Variants in CHRM3 observed in about 807,000 individuals in gnomAD.
CHRM3 encodes muscarinic acetylcholine receptor M3.
In CHRM3, 11 loss-of-function variants were observed where a neutral mutation model predicts 41.8. The ratio of observed to expected loss-of-function variants is 0.26; its 90% confidence interval spans 0.17 to 0.44. CHRM3 has a LOEUF of 0.44. Ranked by LOEUF, CHRM3 falls within the 20% of genes least tolerant of loss-of-function variation. The probability of loss-of-function intolerance (pLI) is 1.00; values close to 1 mark genes in which losing one functional copy is unlikely to be tolerated. For synonymous variants in CHRM3, 297 were observed against 301.4 expected (o/e 0.99, Z 0.15); for missense variants, 571 against 745.4 (o/e 0.77, Z 2.72).
intron 3 of CHRM3, among the ~76,000 whole-genome samples, chr1:239,607,328 C>T (rs1187567667): frequency 1.3e-5 from 2 of 151,800 alleles, no homozygotes; most frequent in Non-Finnish European, 2.9e-5. Flanking sequence ...TAGCATATGG[C>T]AACTGCACAA....
At position 239,480,357 on chromosome 1, in the gene CHRM3, AGCCCT is replaced by A. The variant is rs1666752437; in HGVS notation, c.-520-12350_-520-12346del. 4.6e-5 allele frequency among the ~76,000 whole-genome samples: 7 copies of A among 152,260 alleles called. No individual in the cohort carries two copies. In the South Asian group the frequency reaches 1.5e-3, roughly 32 times the overall value. ...TATGTGTTTATTTATCTATCTTTTAAGCCCTGTGCAAAGATTGTATATAATGGTGT... is the reference window on the plus strand; with the variant it reads ...TATGTGTTTATTTATCTATCTTTTAAGTGCAAAGATTGTATATAATGGTGT... On this transcript the variant is annotated intron_variant, in intron 1 of 6. Coordinates refer to ENST00000676153, the MANE Select transcript of CHRM3 (RefSeq NM_001375978.1).
In CHRM3 at chr1:239,748,706, A is replaced by G. The variant is rs980494807; in HGVS notation, c.-147+70418A>G. Among the ~76,000 whole-genome samples the G allele has an allele frequency of 6.6e-6, 1 of 152,252 alleles. No homozygotes were observed. The highest frequency in any genetic ancestry group is 2.4e-5 in the African/African-American group (1 of 41,466). The stretch of plus-strand genomic sequence containing the variant: ...GATTAGTCCAAACTGGATGGATTTA[A>G]TTCACTTGATAAACATAGTTAACCC... On this transcript the variant is annotated intron_variant, in intron 5 of 6. Transcript: ENST00000676153. This position sits in a 1 kb window ranked among gnomAD's most constrained non-coding sequence, Gnocchi z 4.3.
intron 6 of CHRM3, among the ~76,000 whole-genome samples, chr1:239,845,559 C>T (rs1241978445): frequency 6.6e-6 from 1 of 152,182 alleles, no homozygotes; most frequent in South Asian, 2.1e-4. Context: ...GTCACCCGCC[C>T]AGCTCTCATG....
chr1:239,598,524 A>G (rs1032557331), intron 3 of CHRM3, among the ~76,000 whole-genome samples: 5 of 152,172 alleles, frequency 3.3e-5, no homozygotes, highest in African/African-American at 9.6e-5. Flanking sequence ...TGCTTTATCC[A>G]AGCCTGAAAC....
intron 3 of CHRM3, among the ~76,000 whole-genome samples, chr1:239,598,342 C>A (rs1665061803): frequency 6.6e-6 from 1 of 152,012 alleles, no homozygotes. Context: ...CTAGAATGTT[C>A]CCTGAGATGA....
intron 1 of CHRM3, among the ~76,000 whole-genome samples, chr1:239,407,090 C>T (rs1407232736): frequency 1.3e-5 from 2 of 152,110 alleles, no homozygotes; most frequent in Non-Finnish European, 2.9e-5. Flanking sequence ...TTGTTGTTGT[C>T]TCTATCAAGA....
chr1:239,764,316 C>T (rs528443630), intron 5 of CHRM3, among the ~76,000 whole-genome samples: 1 of 152,154 alleles, frequency 6.6e-6, no homozygotes. Flanking sequence ...AATATTGACA[C>T]TAGTTCGAAG....
At chr1:239,519,875 G>T (rs1031479573) in intron 2 of CHRM3, among the ~76,000 whole-genome samples, 1 of 147,100 alleles carries the variant, frequency 6.8e-6, no homozygotes, top group South Asian at 2.2e-4. Context: ...AGCCTCCCTA[G>T]TAGCTGGGAC....
At chr1:239,508,613 A>G (rs1197036699) in intron 2 of CHRM3, among the ~76,000 whole-genome samples, 1 of 152,344 alleles carries the variant, frequency 6.6e-6, no homozygotes, top group African/African-American at 2.4e-5. Context: ...ATAATCACCA[A>G]TAAACTCCTA....
chr1:239,596,047 T>G (rs2148661733), intron 3 of CHRM3, among the ~76,000 whole-genome samples: 1 of 152,320 alleles, frequency 6.6e-6, no homozygotes, highest in African/African-American at 2.4e-5. Context: ...CTGGATGTAT[T>G]TATAAAAGTT....
intron 5 of CHRM3, among the ~76,000 whole-genome samples, chr1:239,770,525 A>G (rs545993827): frequency 3.9e-5 from 6 of 152,304 alleles, no homozygotes; most frequent in African/African-American, 1.2e-4. Context: ...AAAAATTTCA[A>G]TAATCACGAT....
chr1:239,756,651 A>G (rs111897845), intron 5 of CHRM3, among the ~76,000 whole-genome samples: 3 of 152,320 alleles, frequency 2.0e-5, no homozygotes, highest in South Asian at 2.1e-4. Context: ...AGCACGTGCT[A>G]TAAGTGCAAA....
At chr1:239,519,846 C>T (rs1051317882) in intron 2 of CHRM3, among the ~76,000 whole-genome samples, 5 of 141,766 alleles carry the variant, frequency 3.5e-5, no homozygotes, top group Non-Finnish European at 6.0e-5. Flanking sequence ...CTCCCGGGTT[C>T]ACGCCATTCT....
At chr1:239,450,346 A>AT (rs1337757275) in intron 1 of CHRM3, among the ~76,000 whole-genome samples, 3 of 151,926 alleles carry the variant, frequency 2.0e-5, no homozygotes, top group African/African-American at 7.3e-5. Context: ...TTTTCTGCAA[A>AT]TTCATATTTC....
At chr1:239,404,717 T>G (rs973771647) in intron 1 of CHRM3, among the ~76,000 whole-genome samples, 22 of 69,830 alleles carry the variant, frequency 3.2e-4, no homozygotes, top group Admixed American at 1.0e-3. Flanking sequence ...ATGCTATATC[T>G]AAATATATAT....
intron 1 of CHRM3, among the ~76,000 whole-genome samples, chr1:239,431,654 G>A (rs1393580468): frequency 6.6e-6 from 1 of 152,168 alleles, no homozygotes; most frequent in Non-Finnish European, 1.5e-5. Flanking sequence ...AGTGTGCAAA[G>A]ATTCATTTCA....
chr1:239,811,173 T>C (rs1299324176), intron 5 of CHRM3, among the ~76,000 whole-genome samples: 1 of 152,230 alleles, frequency 6.6e-6, no homozygotes, highest in Non-Finnish European at 1.5e-5. Flanking sequence ...CCAGAGGATG[T>C]GCTGTGACTG....
intron 2 of CHRM3, among the ~76,000 whole-genome samples, chr1:239,521,208 C>T (rs1016142933): frequency 2.0e-5 from 3 of 152,186 alleles, no homozygotes; most frequent in Middle Eastern, 3.2e-3. Flanking sequence ...TAAAGATGCT[C>T]CTTTGCAGTT....
At chr1:239,652,732 T>G (rs1343578420) in intron 4 of CHRM3, among the ~76,000 whole-genome samples, 2 of 152,202 alleles carry the variant, frequency 1.3e-5, no homozygotes, top group African/African-American at 4.8e-5. Context: ...TACTTCTACT[T>G]ATATTACTAT....
Sources: allele counts gnomAD v4.1 joint callset (sites outside exome capture counted in the v4.1 genomes callset), GRCh38; gene constraint gnomAD v4.1.1; non-coding constraint Gnocchi (gnomAD v3.1); transcripts MANE v1.5; gene names NCBI Gene and HGNC (gene_info 2026-07-23, HGNC 2026-07-21).